The following GRTP1 variants were observed in gnomAD, a reference collection of about 807,000 sequenced individuals.
The protein encoded by GRTP1 is growth hormone regulated TBC protein 1.
Under a neutral mutation model 38.1 loss-of-function variants are expected in GRTP1, and 56 were observed. That is an observed-to-expected ratio of 1.47 (90% CI 1.19 to 1.84). GRTP1 has a LOEUF of 1.84. GRTP1 is among the 40% of genes most tolerant of loss of function. The pLI, the probability that GRTP1 is intolerant of heterozygous loss-of-function variation, is 0.00. For missense variants in GRTP1, 506 were observed against 453.9 expected, an observed-to-expected ratio of 1.11 and a Z score of -1.04; for synonymous variants, 217 against 189.5, an observed-to-expected ratio of 1.14 and a Z score of -1.19.
intron 2 of GRTP1, among the ~76,000 whole-genome samples, chr13:113,357,441 C>CAAAAAAAAAAA (rs368660991): frequency 1.0e-5 from 1 of 97,668 alleles, no homozygotes; most frequent in Non-Finnish European, 1.9e-5. Context: ...GACACTGCCT[C>CAAAAAAAAAAA]AAAAAAAAAA....
At chr13:113,331,949 G>A (rs2042877231) in intron 5 of GRTP1, among the ~76,000 whole-genome samples, 1 of 150,646 alleles carries the variant, frequency 6.6e-6, no homozygotes, top group South Asian at 2.1e-4. Flanking sequence ...GACCCACCAT[G>A]CCTAGCCTTT....
At chr13:113,345,590 C>T (rs758460168) in intron 4 of GRTP1, among the ~76,000 whole-genome samples, 3 of 152,244 alleles carry the variant, frequency 2.0e-5, no homozygotes, top group African/African-American at 4.8e-5. Context: ...TTTGTAATTT[C>T]TAAAGTAAGT....
In GRTP1 at chr13:113,324,308, C is replaced by T; in HGVS notation, c.*180G>A. 1 of 871,160 alleles carries T rather than the reference C, an allele frequency of 1.1e-6. No individual in the cohort carries two copies. Among genetic ancestry groups the T allele is most frequent in the Non-Finnish European group, 1.6e-6 (1 of 632,934 alleles). 54.0% of individuals were successfully genotyped at this position (871,160 alleles called of 1,614,324 possible). On this transcript the variant is annotated 3_prime_UTR_variant, in exon 8 of 8. Transcript: ENST00000375431. Reference sequence around the variant, plus strand: ...TAAAAAGTATGACTTCATAGCTAATCATCAAAAGCTGGTAGAATGACCTGA... The same window carrying T: ...TAAAAAGTATGACTTCATAGCTAATTATCAAAAGCTGGTAGAATGACCTGA...
chr13:113,331,905 C>T (rs1457861407), intron 5 of GRTP1, among the ~76,000 whole-genome samples: 1 of 150,842 alleles, frequency 6.6e-6, no homozygotes, highest in African/African-American at 2.4e-5. Context: ...GATCCACCCA[C>T]CTCGGCCTCC....
chr13:113,325,292 G>C, intron 7 of GRTP1: 1 of 1,322,676 alleles, frequency 7.6e-7, no homozygotes, highest in South Asian at 2.3e-5. Context: ...GGCCTGTCAG[G>C]TACAGCTCCC....
At chr13:113,360,979 G>A (rs1297901879) in intron 2 of GRTP1, among the ~76,000 whole-genome samples, 4 of 151,768 alleles carry the variant, frequency 2.6e-5, no homozygotes, top group African/African-American at 4.8e-5. Context: ...GCATGGTGGC[G>A]AGTGCCTGTA....
At chr13:113,346,094 A>AGTGGACCCGGGAGGACC (rs1468473193) in intron 4 of GRTP1, among the ~76,000 whole-genome samples, 2 of 55,868 alleles carry the variant, frequency 3.6e-5, no homozygotes, top group Non-Finnish European at 7.2e-5. Context: ...CTGGGAAGAC[A>AGTGGACCCGGGAGGACC]TCTGTGGCCG....
chr13:113,332,557 C>T (rs1171235845), intron 5 of GRTP1, among the ~76,000 whole-genome samples: 4 of 152,256 alleles, frequency 2.6e-5, no homozygotes, highest in Admixed American at 1.3e-4. Context: ...ATGGCCACCT[C>T]GACACTAGTC....
intron 7 of GRTP1, 33 bp from the exon 8 acceptor site, chr13:113,324,610 C>T: frequency 6.4e-7 from 1 of 1,568,206 alleles, no homozygotes; most frequent in Non-Finnish European, 8.6e-7. Flanking sequence ...AAAAACAAAC[C>T]CAACAACCCA....
intron 5 of GRTP1, among the ~76,000 whole-genome samples, chr13:113,341,903 T>C (rs2043031168): frequency 6.6e-6 from 1 of 152,098 alleles, no homozygotes; most frequent in Admixed American, 6.6e-5. Context: ...TCCTCTCACC[T>C]TGTGGCCTCC....
In GRTP1 at chr13:113,355,444, G is replaced by C. The variant is rs371622943; in HGVS notation, c.219C>G (p.His73Gln). Reference protein sequence around the residue: ...RYVRKGVPLEHRARVWMVLSG... With the variant: ...RYVRKGVPLEQRARVWMVLSG... ...TCAGCACCATCCAGACGCGGGCACG[G>C]TGCTCCAGCGGGACCCCTTTCCGGA... The change falls in exon 3 of 8, where the codon CAC (histidine) becomes CAG (glutamine). Residue 73 changes from histidine (H) to glutamine (Q), a missense_variant. His to Gln is a conservative substitution (Grantham distance 24). Coordinates refer to ENST00000375431, the MANE Select transcript of GRTP1 (RefSeq NM_024719.4). 18 of 1,613,818 alleles carry C rather than the reference G, an allele frequency of 1.1e-5. No individual in the cohort carries two copies. The African/African-American group carries it at 2.3e-4, about 20-fold the overall frequency.
chr13:113,347,984 A>G (rs1299956506), intron 4 of GRTP1, among the ~76,000 whole-genome samples: 1 of 150,726 alleles, frequency 6.6e-6, no homozygotes, highest in Non-Finnish European at 1.5e-5. Flanking sequence ...CCGAGAGCAG[A>G]CCTGGGAGGA....
rs866296120 is a variant in GRTP1, at chr13:113,349,344, A to C, written c.465+1505T>G. On this transcript the variant is annotated intron_variant, in intron 4 of 7. Coordinates refer to ENST00000375431, the MANE Select transcript of GRTP1 (RefSeq NM_024719.4). The surrounding 1 kb of genome is among the most constrained non-coding windows in gnomAD (Gnocchi z 5.0). The stretch of plus-strand genomic sequence containing the variant: ...GCCGGGACCACAGGCGTGTGCCACC[A>C]CACCCCGCTAATTTTTAAAAATATT... Among the ~76,000 whole-genome samples the C allele has an allele frequency of 4.7e-5, 7 of 149,460 alleles. No individual in the cohort carries two copies. Among genetic ancestry groups the C allele is most frequent in the African/African-American group, 1.7e-4 (7 of 40,100 alleles).
At chr13:113,331,648 C>CT (rs59328510) in intron 5 of GRTP1, among the ~76,000 whole-genome samples, 2,604 of 92,956 alleles carry the variant, frequency 0.028, 205 homozygotes, top group African/African-American at 0.073. Context: ...GTTTGGTTTA[C>CT]TTTTTTTTTT....
chr13:113,359,284 T>A (rs1265653383), intron 2 of GRTP1, among the ~76,000 whole-genome samples: 1 of 152,258 alleles, frequency 6.6e-6, no homozygotes, highest in Non-Finnish European at 1.5e-5. Context: ...TGGTGATGAC[T>A]GCCTAGCTGC....
At chr13:113,338,516 G>A (rs562356487) in intron 5 of GRTP1, among the ~76,000 whole-genome samples, 30 of 152,268 alleles carry the variant, frequency 2.0e-4, no homozygotes, top group African/African-American at 6.5e-4. Context: ...GGCCTTGGGC[G>A]GGGAGGCCTG....
At chr13:113,355,750 A>T (rs2043374245) in intron 2 of GRTP1, 1 of 280,718 alleles carries the variant, frequency 3.6e-6, no homozygotes, top group African/African-American at 2.2e-5. Flanking sequence ...CAAGAAACAG[A>T]GCCGCGGTCA....
chr13:113,326,781 C>T (rs980458076), intron 5 of GRTP1, among the ~76,000 whole-genome samples: 7 of 152,160 alleles, frequency 4.6e-5, no homozygotes, highest in African/African-American at 1.7e-4. Flanking sequence ...ATGGAGGCAA[C>T]CCACGTGTCC....
At chr13:113,327,007 A>C (rs1040834690) in intron 5 of GRTP1, among the ~76,000 whole-genome samples, 4 of 152,224 alleles carry the variant, frequency 2.6e-5, no homozygotes, top group African/African-American at 9.6e-5. Flanking sequence ...CAGGGGAAAG[A>C]CATGGGTAAG....
Sources: allele counts gnomAD v4.1 joint callset (sites outside exome capture counted in the v4.1 genomes callset), GRCh38; gene constraint gnomAD v4.1.1; non-coding constraint Gnocchi (gnomAD v3.1); transcripts MANE v1.5; gene names NCBI Gene and HGNC (gene_info 2026-07-23, HGNC 2026-07-21).